Variants in KCND1 observed in about 807,000 individuals in gnomAD.
KCND1 encodes the protein potassium voltage-gated channel subfamily D member 1, also known as A-type voltage-gated potassium channel KCND1.
In KCND1, 11 loss-of-function variants were observed where a neutral mutation model predicts 31.8. The ratio of observed to expected loss-of-function variants is 0.35; its 90% CI spans 0.22 to 0.57. The LOEUF (loss-of-function observed/expected upper bound fraction) is 0.57, where lower values mean the gene tolerates loss of function less well. KCND1 is among the 20% of genes least tolerant of loss of function. The probability of loss-of-function intolerance (pLI) is 0.85; values close to 1 mark genes in which losing one functional copy is unlikely to be tolerated. For synonymous variants in KCND1, 234 were observed against 248.1 expected (o/e 0.94, Z 0.53); for missense variants, 471 against 596.8 (o/e 0.79, Z 2.20).
In KCND1 at chrX:48,969,751, C is replaced by T. The variant is rs932616236; in HGVS notation, c.521G>A (p.Arg174Gln). 4 of 1,207,025 alleles carry T rather than the reference C, an allele frequency of 3.3e-6. No individual in the cohort carries two copies. Among genetic ancestry groups the T allele is most frequent in the Admixed American group, 2.2e-5 (1 of 45,641 alleles). ...GCTCGTGTGTGGATTCTCGAAGGCC[C>T]GCCAGAGCCGCTGCCGCAGGGAGCT... is the stretch of plus-strand genomic sequence containing the variant. ...AGSSLRQRLW[R>Q]AFENPHTSTA... The change falls in exon 1 of 6, where the codon CGG (arginine) becomes CAG (glutamine). Residue 174 changes from arginine (R) to glutamine (Q), a missense_variant. Arg to Gln is a conservative substitution (Grantham distance 43, BLOSUM62 1). Coordinates refer to ENST00000218176, the MANE Select transcript of KCND1 (RefSeq NM_004979.6).
At position 48,966,795 on chromosome X, in the gene KCND1, G is replaced by T; in HGVS notation, c.1334C>A (p.Ala445Asp). Residue 445 changes from alanine (A) to aspartate (D), a missense_variant, in exon 3 of 6, where the codon GCC becomes GAC. Ala to Asp is a moderately radical substitution (Grantham distance 126, BLOSUM62 -2). Around this residue, in one of 3 missense-constraint regions of KCND1, gnomAD observed 185 missense variants for 184.7 expected, o/e 1.00. Coordinates refer to ENST00000218176, the MANE Select transcript of KCND1 (RefSeq NM_004979.6). ...CCCATTCTGCTTGTACTGCAGGAAG[G>T]CATTGGTGGTACCACTCTTTGCCAA... is the stretch of plus-strand genomic sequence containing the variant. ...IRLAKSGTTN[A>D]FLQYKQNGGL... 8.3e-7 allele frequency: 1 copy of T among 1,207,547 alleles called. No individual in the cohort carries two copies.
chrX:48,969,751 C>A lies in KCND1; in HGVS notation c.521G>T (p.Arg174Leu). 8.3e-7 allele frequency: 1 copy of A among 1,208,261 alleles called. No individual in the cohort carries two copies. The highest frequency in any genetic ancestry group is 1.1e-6 in the Non-Finnish European group (1 of 894,143). ...AGSSLRQRLW[R>L]AFENPHTSTA... is the part of the protein sequence containing the mutation. ...GCTCGTGTGTGGATTCTCGAAGGCC[C>A]GCCAGAGCCGCTGCCGCAGGGAGCT... The change falls in exon 1 of 6, where the codon CGG (arginine) becomes CTG (leucine). Residue 174 changes from arginine to leucine, a missense_variant. Physicochemically the swap from Arg to Leu is moderately radical, Grantham distance 102 (BLOSUM62 -2). Around this residue, in one of 3 missense-constraint regions of KCND1, gnomAD observed 212 missense variants for 257.9 expected, o/e 0.82. Coordinates refer to ENST00000218176, the MANE Select transcript of KCND1 (RefSeq NM_004979.6).
intron 5 of KCND1, 44 bp from the exon 6 acceptor site, chrX:48,962,850 T>C: frequency 9.0e-7 from 1 of 1,107,390 alleles, no homozygotes; most frequent in African/African-American, 1.8e-5. Flanking sequence ...TAAAAAGTTA[T>C]CTTAGGCCGG....
chrX:48,970,132 C>T lies in KCND1; in HGVS notation c.140G>A (p.Ser47Asn). Residue 47 changes from serine (S) to asparagine (N), a missense_variant, in exon 1 of 6, where the codon AGC (serine) becomes AAC (asparagine). This residue lies in a region of KCND1 where 212 missense variants were observed against 257.9 expected (regional missense o/e 0.82). Transcript: ENST00000218176. Reference sequence around the variant, plus strand: ...CTTCCAAGTCTCAAAGCGCCGTCCGCTCACGTTCACCACCAGAACCTCATC... The same window carrying T: ...CTTCCAAGTCTCAAAGCGCCGTCCGTTCACGTTCACCACCAGAACCTCATC... ...RGDEVLVVNVSGRRFETWKNT... is the reference protein window; with the variant it reads ...RGDEVLVVNVNGRRFETWKNT... 2 of 1,211,492 alleles carry T rather than the reference C, an allele frequency of 1.7e-6. No homozygotes were observed. The highest frequency in any genetic ancestry group is 2.2e-6 in the Non-Finnish European group (2 of 895,362).
chrX:48,964,720 C>CAG (rs2064342076), intron 5 of KCND1, among the ~76,000 whole-genome samples: 1 of 73,470 alleles, frequency 1.4e-5, no homozygotes. Context: ...AACTTCGTCT[C>CAG]AAAAAAAAAA....
chrX:48,967,178 T>TGGA (rs2064359131), intron 1 of KCND1, 72 bp from the exon 2 acceptor site: 1 of 924,438 alleles, frequency 1.1e-6, no homozygotes, highest in African/African-American at 2.0e-5. Context: ...CTCCATCCCA[T>TGGA]CTAATCCGGA....
At position 48,966,636 on chromosome X, in the gene KCND1, T is replaced by C; in HGVS notation, c.1409A>G (p.Asn470Ser). 2.5e-6 allele frequency: 3 copies of C among 1,210,210 alleles called. No homozygotes were observed. Among genetic ancestry groups the C allele is most frequent in the Non-Finnish European group, 3.4e-6 (3 of 894,836 alleles). The change falls in exon 4 of 6, where the codon AAC becomes AGC. Residue 470 changes from asparagine to serine, a missense_variant. By Grantham distance (46) the Asn-to-Ser change is conservative. Transcript: ENST00000218176. ...SGEEQALCVR[N>S]RSAFEQQHHH... is the part of the protein sequence containing the mutation. ...ATGTTGCTGTTCAAAGGCAGAACGG[T>C]TCCTGACACAAAGAGCCTGTTCCTC...
chrX:48,966,697 C>T (rs781941661), intron 3 of KCND1, 21 bp from the exon 4 acceptor site: 4 of 1,204,450 alleles, frequency 3.3e-6, no homozygotes, highest in Non-Finnish European at 4.5e-6. Flanking sequence ...TGGAGCAGAG[C>T]GATAAGGGCA....
chrX:48,969,068 A>AAGAC (rs2064368675), intron 1 of KCND1, 83 bp downstream of exon 1: 4 of 982,302 alleles, frequency 4.1e-6, no homozygotes, highest in Non-Finnish European at 5.5e-6. Context: ...GAAAGAAAGA[A>AAGAC]AGAGATCATT....
chrX:48,966,135 G>C lies in KCND1; in HGVS notation c.1638C>G (p.Asn546Lys). Reference protein sequence around the residue: ...RAKRRAIRLANSTASVSRGSM... With the variant: ...RAKRRAIRLAKSTASVSRGSM... Reference sequence around the variant, plus strand: ...TGCCACGGCTGACTGAGGCAGTGGAGTTGGCAAGGCGGATGGCGCGGCGCT... The same window carrying C: ...TGCCACGGCTGACTGAGGCAGTGGACTTGGCAAGGCGGATGGCGCGGCGCT... The change falls in exon 5 of 6, where the codon AAC becomes AAG. Residue 546 changes from asparagine to lysine, a missense_variant. By Grantham distance (94) the Asn-to-Lys change is moderately conservative (BLOSUM62 0). Around this residue, in one of 3 missense-constraint regions of KCND1, gnomAD observed 185 missense variants for 184.7 expected, o/e 1.00. Coordinates refer to ENST00000218176, the MANE Select transcript of KCND1 (RefSeq NM_004979.6). 1.7e-6 allele frequency: 2 copies of C among 1,211,077 alleles called. No individual in the cohort carries two copies. Among genetic ancestry groups the C allele is most frequent in the Non-Finnish European group, 2.2e-6 (2 of 895,492 alleles).
intron 5 of KCND1, 87 bp downstream of exon 5, chrX:48,965,968 C>T (rs782596332): frequency 9.4e-7 from 1 of 1,062,305 alleles, no homozygotes; most frequent in Admixed American, 2.7e-5. Flanking sequence ...GCTTGACTTG[C>T]TAGGCCTGGA....
chrX:48,968,793 C>T (rs1488296217), intron 1 of KCND1, among the ~76,000 whole-genome samples: 1 of 112,343 alleles, frequency 8.9e-6, no homozygotes, highest in Non-Finnish European at 1.9e-5. Context: ...GTGGCTCACA[C>T]CTGTAATCCC....
rs781933805 is a variant in KCND1 at position 48,966,151 on chromosome X, G to T, written c.1622C>A (p.Ala541Asp). The change falls in exon 5 of 6, where the codon GCC (alanine) becomes GAC (aspartate). Residue 541 changes from alanine to aspartate, a missense_variant. Transcript: ENST00000218176. ...SCCPRRAKRRAIRLANSTASV... is the reference protein window; with the variant it reads ...SCCPRRAKRRDIRLANSTASV... ...GGCAGTGGAGTTGGCAAGGCGGATG[G>T]CGCGGCGCTTGGCCCTGCGAGGGCA... is the stretch of plus-strand genomic sequence containing the variant. 1 of 1,210,629 alleles carries T rather than the reference G, an allele frequency of 8.3e-7. No homozygotes were observed. The highest frequency in any genetic ancestry group is 1.8e-5 in the South Asian group (1 of 56,804).
intron 5 of KCND1, among the ~76,000 whole-genome samples, chrX:48,964,754 T>G (rs1295692709): frequency 9.8e-6 from 1 of 102,564 alleles, no homozygotes; most frequent in Non-Finnish European, 2.0e-5. Flanking sequence ...CCAGGCGCGG[T>G]GGCTCACGCC....
rs1321894925 is a variant in KCND1, at chrX:48,962,776, G to A, written c.1749C>T (p.Asp583=). ...GGCTGTCGCAGTTCAGGTCAAGGCT[G>A]TCATGGGGCTTGGCATTGAGGCTGG... ...SRSSLNAKPH[D]SLDLNCDSRD... Residue 583 remains aspartate (D), a synonymous_variant, in exon 6 of 6, where the codon GAC becomes GAT. Transcript: ENST00000218176. 1.7e-6 allele frequency: 2 copies of A among 1,210,895 alleles called. No individual in the cohort carries two copies. Among genetic ancestry groups the A allele is most frequent in the East Asian group, 3.0e-5 (1 of 33,842 alleles).
At position 48,962,623 on chromosome X, in the gene KCND1, G is replaced by A. The variant is rs1055932743; in HGVS notation, c.1902C>T (p.Thr634=). Residue 634 remains threonine (T), a synonymous_variant, in exon 6 of 6, where the codon ACC becomes ACT. Coordinates refer to ENST00000218176, the MANE Select transcript of KCND1 (RefSeq NM_004979.6). ...TGACAGTCTCGGGGAAGAGGCAAGG[G>A]GTACCCAGGCTGGAGTTCCTGAGGG... The part of the protein sequence containing the change: ...GSTLRNSSLG[T]PCLFPETVKI... The A allele has an allele frequency of 2.5e-6, 3 of 1,209,975 alleles. No individual in the cohort carries two copies. The highest frequency in any genetic ancestry group is 3.4e-6 in the Non-Finnish European group (3 of 894,615).
intron 5 of KCND1, among the ~76,000 whole-genome samples, chrX:48,963,647 C>A (rs2064335876): frequency 9.0e-6 from 1 of 110,990 alleles, no homozygotes; most frequent in Non-Finnish European, 1.9e-5. Flanking sequence ...TCTCTCTTCT[C>A]TCATCTGTAG....
chrX:48,962,830 G>A (rs782101365), intron 5 of KCND1, 24 bp from the exon 6 acceptor site: 20 of 1,168,970 alleles, frequency 1.7e-5, no homozygotes, highest in Middle Eastern at 2.6e-4. Context: ...TGGAGAAGAT[G>A]GAAGGCTCTT....
In KCND1 at chrX:48,966,633, C is replaced by A. The variant is rs1349206831; in HGVS notation, c.1412G>T (p.Arg471Leu). Residue 471 changes from arginine to leucine, a missense_variant, in exon 4 of 6, where the codon CGT (arginine) becomes CTT (leucine). By Grantham distance (102) the Arg-to-Leu change is moderately radical (BLOSUM62 -2). Around this residue, in one of 3 missense-constraint regions of KCND1, gnomAD observed 185 missense variants for 184.7 expected, o/e 1.00. Transcript: ENST00000218176. ...GEEQALCVRN[R>L]SAFEQQHHHL... ...GTGATGTTGCTGTTCAAAGGCAGAA[C>A]GGTTCCTGACACAAAGAGCCTGTTC... 2.5e-6 allele frequency: 3 copies of A among 1,210,016 alleles called. No individual in the cohort carries two copies. The highest frequency in any genetic ancestry group is 4.4e-5 in the Admixed American group (2 of 45,863).
Sources: gnomAD v4.1 joint callset for allele counts (sites outside exome capture counted in the v4.1 genomes callset) on GRCh38, gnomAD v4.1.1 for gene constraint, gnomAD v4.1.1 regional missense constraint, MANE v1.5 for transcripts, NCBI Gene and HGNC (gene_info 2026-07-23, HGNC 2026-07-21) for gene names.